GPM6A: variants seen among roughly 807,000 people sequenced by gnomAD.
GPM6A encodes glycoprotein M6A, also known as neuronal membrane glycoprotein M6-a.
Under a neutral mutation model 32.1 loss-of-function variants are expected in GPM6A, and 7 were observed. The ratio of observed to expected loss-of-function variants is 0.22; its 90% CI spans 0.12 to 0.41. GPM6A has a LOEUF of 0.41. Among genes scored for constraint, GPM6A ranks in the 10% least tolerant of loss-of-function variants. The pLI is 1.00. For synonymous variants in GPM6A, 130 were observed against 123.4 expected (o/e 1.05, Z -0.35); for missense variants, 235 against 347.2 (o/e 0.68, Z 2.57).
At chr4:175,734,041 C>T (rs140471801) in intron 1 of GPM6A, among the ~76,000 whole-genome samples, 1,661 of 151,940 alleles carry the variant, frequency 0.011, 18 homozygotes, top group Non-Finnish European at 0.016. Context: ...TTGACTTCCA[C>T]GATCAAAGCT....
In GPM6A at chr4:175,634,113, T is replaced by G. The variant is rs1314022068; in HGVS notation, c.*792A>C. Reference sequence around the variant, plus strand: ...TCTTCAATAGTCTACAGTAGTTATTTCCATTAAAATTGTCTCTATATACTA... The same window carrying G: ...TCTTCAATAGTCTACAGTAGTTATTGCCATTAAAATTGTCTCTATATACTA... On this transcript the variant is annotated 3_prime_UTR_variant, in exon 7 of 7. Transcript: ENST00000393658. The G allele has an allele frequency of 6.6e-6, 1 of 152,538 alleles. No individual in the cohort carries two copies. 9.4% of individuals were successfully genotyped at this position (152,538 alleles called of 1,614,324 possible).
At position 175,805,022 on chromosome 4, in the gene GPM6A, C is replaced by T. The variant is rs182164625; in HGVS notation, c.37+7169G>A. 5.5e-3 allele frequency among the ~76,000 whole-genome samples: 832 copies of T among 151,504 alleles called. 11 individuals are homozygous for T. The highest frequency in any genetic ancestry group is 0.018 in the African/African-American group (762 of 41,260). On this transcript the variant is annotated intron_variant, in intron 1 of 6. Coordinates refer to ENST00000393658, the MANE Select transcript of GPM6A (RefSeq NM_201591.3). ...ATAGCCCACTGCACTCCAGCCTGGG[C>T]GATGAGCGAGACTCCATCTCAAAAA...
At chr4:175,725,168 A>C (rs1746338165) in intron 1 of GPM6A, among the ~76,000 whole-genome samples, 2 of 152,202 alleles carry the variant, frequency 1.3e-5, no homozygotes, top group Admixed American at 6.5e-5. Flanking sequence ...TTTAGTGATA[A>C]AATACATGTA....
intron 1 of GPM6A, among the ~76,000 whole-genome samples, chr4:175,719,880 T>C (rs113516019): frequency 0.02 from 3,009 of 152,330 alleles, 77 homozygotes; most frequent in South Asian, 0.12. Context: ...TACTGGCATA[T>C]GCTTTGCTCC....
intron 1 of GPM6A, among the ~76,000 whole-genome samples, chr4:175,778,466 A>T (rs557467143): frequency 4.1e-4 from 63 of 151,858 alleles, no homozygotes; most frequent in African/African-American, 1.4e-3. Flanking sequence ...CTCTACTAAA[A>T]ATACAAAAAT....
At chr4:175,894,071 C>A (rs143663910) in intron 1 of GPM6A, among the ~76,000 whole-genome samples, 2,239 of 152,210 alleles carry the variant, frequency 0.015, 30 homozygotes, top group Non-Finnish European at 0.021. Flanking sequence ...TTAACTCCTA[C>A]TTCTGAGAAT....
At chr4:175,687,172 A>G (rs1305061606) in intron 2 of GPM6A, among the ~76,000 whole-genome samples, 1 of 152,214 alleles carries the variant, frequency 6.6e-6, no homozygotes, top group Non-Finnish European at 1.5e-5. Context: ...TTTTTATTGC[A>G]GTAAATAACA....
intron 1 of GPM6A, among the ~76,000 whole-genome samples, chr4:175,744,022 T>C (rs1323305223): frequency 2.0e-5 from 3 of 150,552 alleles, no homozygotes; most frequent in Non-Finnish European, 4.4e-5. Flanking sequence ...GTTAACAAAC[T>C]GACCAAATTG....
intron 1 of GPM6A, among the ~76,000 whole-genome samples, chr4:175,748,743 G>A (rs1732202295): frequency 6.6e-6 from 1 of 152,150 alleles, no homozygotes. Flanking sequence ...AAACTTTGAA[G>A]CCAGGCATTG....
intron 1 of GPM6A, among the ~76,000 whole-genome samples, chr4:175,745,258 G>A (rs1020376611): frequency 6.6e-6 from 1 of 152,080 alleles, no homozygotes; most frequent in Non-Finnish European, 1.5e-5. Flanking sequence ...ACAGGTATTG[G>A]GTTCATTTTG....
intron 1 of GPM6A, among the ~76,000 whole-genome samples, chr4:175,875,549 T>C (rs967507588): frequency 1.3e-5 from 2 of 152,188 alleles, no homozygotes; most frequent in Non-Finnish European, 2.9e-5. Flanking sequence ...TGTAATGAAC[T>C]ACATGATGAC....
At chr4:175,706,619 T>C (rs1259415945) in intron 1 of GPM6A, among the ~76,000 whole-genome samples, 1 of 152,200 alleles carries the variant, frequency 6.6e-6, no homozygotes, top group East Asian at 1.9e-4. Context: ...CAGAGAGGTA[T>C]AGGTCTGTTT....
chr4:175,853,504 C>CT (rs70962425), intron 1 of GPM6A, among the ~76,000 whole-genome samples: 106,583 of 137,660 alleles, frequency 0.77, 41,374 homozygotes, highest in East Asian at 0.97. Flanking sequence ...CAAACAAGTT[C>CT]TTTTTTTTTT....
intron 6 of GPM6A, among the ~76,000 whole-genome samples, chr4:175,637,653 T>C (rs1458507659): frequency 3.7e-3 from 2 of 542 alleles, no homozygotes; most frequent in Non-Finnish European, 0.021. Context: ...TTATATAAAA[T>C]ATAAAATATA....
intron 1 of GPM6A, among the ~76,000 whole-genome samples, chr4:175,714,496 G>A (rs893151853): frequency 3.8e-4 from 58 of 152,070 alleles, no homozygotes; most frequent in Admixed American, 1.5e-3. Context: ...GGATACTCCT[G>A]CCTCAGCCTC....
At chr4:175,715,744 C>T (rs1745806774) in intron 1 of GPM6A, among the ~76,000 whole-genome samples, 1 of 150,728 alleles carries the variant, frequency 6.6e-6, no homozygotes, top group Admixed American at 6.6e-5. Context: ...AATCTCTTCA[C>T]TAAACTATGA....
upstream of GPM6A, among the ~76,000 whole-genome samples, chr4:175,815,823 T>A (rs1735082274): frequency 6.6e-6 from 1 of 150,800 alleles, no homozygotes; most frequent in Admixed American, 6.7e-5. Context: ...ATTCAAGCGA[T>A]TCTCCTGCCT....
At chr4:175,804,917 C>T (rs370207093) in intron 1 of GPM6A, among the ~76,000 whole-genome samples, 3 of 151,934 alleles carry the variant, frequency 2.0e-5, no homozygotes, top group East Asian at 1.9e-4. Flanking sequence ...TGGTGGCGGG[C>T]GCCTGTAGTC....
At chr4:175,942,816 C>A (rs1410240098) in intron 1 of GPM6A, among the ~76,000 whole-genome samples, 1 of 152,140 alleles carries the variant, frequency 6.6e-6, no homozygotes, top group Non-Finnish European at 1.5e-5. Context: ...TAGCGTGATG[C>A]CTCCAGCTTT....
Sources: allele counts gnomAD v4.1 joint callset (sites outside exome capture counted in the v4.1 genomes callset), GRCh38; gene constraint gnomAD v4.1.1; transcripts MANE v1.5; gene names NCBI Gene and HGNC (gene_info 2026-07-23, HGNC 2026-07-21).